Variants in DACH2 observed in about 807,000 individuals in gnomAD.
DACH2 encodes the protein dachshund family transcription factor 2.
Under a neutral mutation model 35.8 loss-of-function variants are expected in DACH2, and 17 were observed. That is an observed-to-expected ratio of 0.48 (90% CI 0.33 to 0.71). The LOEUF (loss-of-function observed/expected upper bound fraction) is 0.71. DACH2 is among the 30% of genes least tolerant of loss of function. DACH2 has a pLI of 0.02. For missense variants in DACH2, 469 were observed against 472.7 expected (o/e 0.99, Z 0.07); for synonymous variants, 195 against 177.3 (o/e 1.10, Z -0.79).
intron 1 of DACH2, among the ~76,000 whole-genome samples, chrX:86,370,801 A>T (rs2035876093): frequency 8.9e-6 from 1 of 111,776 alleles, no homozygotes; most frequent in Admixed American, 9.5e-5. Flanking sequence ...GAATTTGAAT[A>T]TGTGGAAGAA....
At chrX:86,544,231 G>GT (rs1182850377) in intron 3 of DACH2, among the ~76,000 whole-genome samples, 4 of 111,353 alleles carry the variant, frequency 3.6e-5, no homozygotes, top group Non-Finnish European at 7.5e-5. Context: ...AGGATATTGT[G>GT]TATGAAAATT....
In DACH2 at chrX:86,166,563, CTT is replaced by C. The variant is rs775950805; in HGVS notation, c.488+17456_488+17457del. ...ATTTGGCTGCCCTTTATATTTTTCTCTTGTCTGATTGCTCTAGCTAGGCCTTC... is the reference window on the plus strand; with the variant it reads ...ATTTGGCTGCCCTTTATATTTTTCTCGTCTGATTGCTCTAGCTAGGCCTTC... On this transcript the variant is annotated intron_variant, in intron 1 of 11. Transcript: ENST00000373125. Among the ~76,000 whole-genome samples, 85 of 111,125 alleles carry C rather than the reference CTT, an allele frequency of 7.6e-4. 2 individuals are homozygous for C. In the East Asian group the frequency reaches 0.023, roughly 30 times the overall value.
chrX:86,746,329 A>G (rs776407791), intron 7 of DACH2, among the ~76,000 whole-genome samples: 1 of 111,177 alleles, frequency 9.0e-6, no homozygotes, highest in South Asian at 3.8e-4. Flanking sequence ...GAACTACCAC[A>G]CTCTTTGCCA....
intron 3 of DACH2, among the ~76,000 whole-genome samples, chrX:86,515,784 G>A (rs1318221413): frequency 8.9e-6 from 1 of 112,293 alleles, no homozygotes; most frequent in Admixed American, 9.5e-5. Flanking sequence ...GGTAAAAGGA[G>A]CCCTTGCTAA....
intron 3 of DACH2, among the ~76,000 whole-genome samples, chrX:86,650,098 AT>A (rs1376471328): frequency 9.0e-6 from 1 of 110,753 alleles, no homozygotes; most frequent in African/African-American, 3.3e-5. Flanking sequence ...TTCCTTATAT[AT>A]GGTTGTGTTG....
intron 1 of DACH2, among the ~76,000 whole-genome samples, chrX:86,195,193 T>G (rs5922234): frequency 0.48 from 52,505 of 110,342 alleles, 9,316 homozygotes; most frequent in Middle Eastern, 0.57. Flanking sequence ...ACTCTGCCCT[T>G]CCACTGCCAC....
At chrX:86,161,180 A>T in intron 1 of DACH2, 2 of 1,164,700 alleles carry the variant, frequency 1.7e-6, no homozygotes, top group South Asian at 3.6e-5. Flanking sequence ...AGGGTGGCTC[A>T]GTGGAATCCA....
intron 3 of DACH2, among the ~76,000 whole-genome samples, chrX:86,649,441 C>T (rs888411309): frequency 9.0e-6 from 1 of 110,810 alleles, no homozygotes; most frequent in Non-Finnish European, 1.9e-5. Flanking sequence ...AAGCAATGTC[C>T]ATTTGTTTAA....
At chrX:86,716,103 C>G (rs1320030560) in intron 6 of DACH2, among the ~76,000 whole-genome samples, 2 of 111,333 alleles carry the variant, frequency 1.8e-5, no homozygotes, top group African/African-American at 3.3e-5. Context: ...CCTGGAAAGA[C>G]TGGTTACAGA....
At chrX:86,657,815 G>A (rs192396306) in intron 4 of DACH2, among the ~76,000 whole-genome samples, 84 of 111,300 alleles carry the variant, frequency 7.5e-4, no homozygotes, top group African/African-American at 2.7e-3. Flanking sequence ...GGCAAAATAT[G>A]ACAGATATAA....
At chrX:86,699,630 T>A (rs2041116007) in intron 5 of DACH2, among the ~76,000 whole-genome samples, 1 of 111,440 alleles carries the variant, frequency 9.0e-6, no homozygotes, top group African/African-American at 3.3e-5. Flanking sequence ...ATATGCGATT[T>A]GGATGGGGAA....
intron 1 of DACH2, among the ~76,000 whole-genome samples, chrX:86,276,517 T>C (rs909784977): frequency 1.5e-4 from 17 of 111,758 alleles, no homozygotes; most frequent in African/African-American, 5.5e-4. Context: ...CTTTGCTGTG[T>C]GGAAGCTTTT....
chrX:86,669,134 T>G (rs2040734602), intron 4 of DACH2, among the ~76,000 whole-genome samples: 1 of 111,055 alleles, frequency 9.0e-6, no homozygotes, highest in African/African-American at 3.3e-5. Context: ...GTCTTAGATT[T>G]TTTTCTTGTT....
At chrX:86,730,511 T>C (rs1213610918) in intron 6 of DACH2, among the ~76,000 whole-genome samples, 1 of 111,968 alleles carries the variant, frequency 8.9e-6, no homozygotes, top group Non-Finnish European at 1.9e-5. Flanking sequence ...GCAGGCTAAT[T>C]TGTTAACAAT....
At chrX:86,747,238 G>A (rs1405176065) in intron 7 of DACH2, among the ~76,000 whole-genome samples, 1 of 111,516 alleles carries the variant, frequency 9.0e-6, no homozygotes, top group East Asian at 2.8e-4. Flanking sequence ...ATTACAACAA[G>A]GATTCTATTG....
At chrX:86,680,580 TA>T (rs1569466048) in intron 4 of DACH2, among the ~76,000 whole-genome samples, 1 of 111,463 alleles carries the variant, frequency 9.0e-6, no homozygotes, top group Admixed American at 9.6e-5. Flanking sequence ...ATCATTGTTT[TA>T]TTTAAAAGAA....
chrX:86,349,141 G>T (rs2035546608), intron 1 of DACH2, among the ~76,000 whole-genome samples: 1 of 111,946 alleles, frequency 8.9e-6, no homozygotes, highest in Non-Finnish European at 1.9e-5. Context: ...GAATTTAAGT[G>T]CAAGGTTTTT....
chrX:86,625,648 T>G (rs1373725530), intron 3 of DACH2, among the ~76,000 whole-genome samples: 1 of 111,364 alleles, frequency 9.0e-6, no homozygotes, highest in Non-Finnish European at 1.9e-5. Context: ...TTTAATTGAC[T>G]CACAGTTCCA....
At chrX:86,793,956 G>A (rs1411877957) in intron 7 of DACH2, among the ~76,000 whole-genome samples, 1 of 111,904 alleles carries the variant, frequency 8.9e-6, no homozygotes, top group Non-Finnish European at 1.9e-5. Flanking sequence ...AATTTCAAAA[G>A]CAAGACATGT....
Sources: gnomAD v4.1 joint callset for allele counts (sites outside exome capture counted in the v4.1 genomes callset) on GRCh38, gnomAD v4.1.1 for gene constraint, MANE v1.5 for transcripts, NCBI Gene and HGNC (gene_info 2026-07-23, HGNC 2026-07-21) for gene names.